The following SCHIP1 variants were observed in gnomAD, a reference collection of about 807,000 sequenced individuals.
SCHIP1 encodes schwannomin interacting protein 1, also known as schwannomin-interacting protein 1.
Under a neutral mutation model 29.7 loss-of-function variants are expected in SCHIP1, and 8 were observed. The ratio of observed to expected loss-of-function variants is 0.27; its 90% CI spans 0.16 to 0.49. SCHIP1 has a LOEUF of 0.49. Ranked by LOEUF, SCHIP1 falls within the 20% of genes least tolerant of loss-of-function variation. The pLI is 0.99. For missense variants in SCHIP1, 193 were observed against 294.6 expected, an observed-to-expected ratio of 0.66 and a Z score of 2.52; for synonymous variants, 76 against 94.9, an observed-to-expected ratio of 0.80 and a Z score of 1.16.
the SCHIP1 span, among the ~76,000 whole-genome samples, chr3:159,641,072 T>C: frequency 6.6e-6 from 1 of 152,122 alleles, no homozygotes; most frequent in Non-Finnish European, 1.5e-5. Context: ...TTCTCATAAA[T>C]TTTTTTAGGG....
chr3:159,406,554 G>A, the SCHIP1 span, among the ~76,000 whole-genome samples: 2 of 152,114 alleles, frequency 1.3e-5, no homozygotes, highest in African/African-American at 2.4e-5. Flanking sequence ...AGTATAAAAT[G>A]CACCGGCAAT....
At chr3:159,608,624 A>G in the SCHIP1 span, among the ~76,000 whole-genome samples, 1 of 152,198 alleles carries the variant, frequency 6.6e-6, no homozygotes, top group African/African-American at 2.4e-5. Flanking sequence ...ATGGCACATA[A>G]AATTCTTTTT....
the SCHIP1 span, among the ~76,000 whole-genome samples, chr3:159,294,942 T>C: frequency 6.6e-6 from 1 of 152,134 alleles, no homozygotes; most frequent in African/African-American, 2.4e-5. Context: ...AATCAGATCA[T>C]TACCCGAAAG....
chr3:159,329,933 A>G, the SCHIP1 span, among the ~76,000 whole-genome samples: 1 of 151,978 alleles, frequency 6.6e-6, no homozygotes, highest in Non-Finnish European at 1.5e-5. Context: ...GACAATGGTT[A>G]TGTCCTATTG....
chr3:159,509,318 T>C, the SCHIP1 span, among the ~76,000 whole-genome samples: 4 of 152,232 alleles, frequency 2.6e-5, no homozygotes, highest in Non-Finnish European at 2.9e-5. Flanking sequence ...TTCCATTTGC[T>C]TGGTAGATCT....
the SCHIP1 span, among the ~76,000 whole-genome samples, chr3:159,556,951 A>T: frequency 4.7e-4 from 70 of 149,062 alleles, no homozygotes; most frequent in African/African-American, 9.1e-4. Context: ...AAAAAAATTT[A>T]AAAAAAAAAG....
the SCHIP1 span, among the ~76,000 whole-genome samples, chr3:159,653,264 T>G: frequency 1.2e-4 from 18 of 152,206 alleles, no homozygotes; most frequent in African/African-American, 3.6e-4. Context: ...TTATAAATCA[T>G]TCTACTATAA....
intron 2 of SCHIP1, among the ~76,000 whole-genome samples, chr3:159,885,759 G>T (rs996022370): frequency 2.6e-5 from 4 of 152,236 alleles, no homozygotes; most frequent in Non-Finnish European, 5.9e-5. Context: ...GAGAAAAGGA[G>T]TCTTTCTTCA....
chr3:159,739,938 T>C, the SCHIP1 span, among the ~76,000 whole-genome samples: 1 of 152,244 alleles, frequency 6.6e-6, no homozygotes, highest in African/African-American at 2.4e-5. Context: ...TTCAGGCATT[T>C]CAGTACAAAT....
At chr3:159,351,804 C>G in the SCHIP1 span, among the ~76,000 whole-genome samples, 1 of 152,042 alleles carries the variant, frequency 6.6e-6, no homozygotes, top group Non-Finnish European at 1.5e-5. Context: ...AAACCTCTTG[C>G]TATAACAAAG....
chr3:159,508,582 C>T, the SCHIP1 span, among the ~76,000 whole-genome samples: 1 of 152,184 alleles, frequency 6.6e-6, no homozygotes, highest in Non-Finnish European at 1.5e-5. Context: ...TTAGATCTTT[C>T]TTGCTTTCTC....
chr3:159,646,659 T>C, the SCHIP1 span, among the ~76,000 whole-genome samples: 1 of 152,086 alleles, frequency 6.6e-6, no homozygotes, highest in Non-Finnish European at 1.5e-5. Context: ...CAACCCTGAA[T>C]ACAAGGGAGC....
the SCHIP1 span, among the ~76,000 whole-genome samples, chr3:159,369,819 G>C: frequency 4.6e-5 from 7 of 152,016 alleles, no homozygotes; most frequent in African/African-American, 1.7e-4. Context: ...TAAAATAAGA[G>C]GATTGATTGC....
At chr3:159,391,015 T>C in the SCHIP1 span, among the ~76,000 whole-genome samples, 1 of 152,172 alleles carries the variant, frequency 6.6e-6, no homozygotes, top group Admixed American at 6.6e-5. Context: ...GTGAGTTCAA[T>C]TTTTTTCTCT....
chr3:159,448,161 G>A, the SCHIP1 span, among the ~76,000 whole-genome samples: 238 of 152,254 alleles, frequency 1.6e-3, no homozygotes, highest in African/African-American at 5.2e-3. Flanking sequence ...AAGTTCATGA[G>A]TGCGTAAGAG....
At chr3:159,615,641 C>T in the SCHIP1 span, among the ~76,000 whole-genome samples, 6 of 152,164 alleles carry the variant, frequency 3.9e-5, no homozygotes, top group Non-Finnish European at 7.3e-5. Flanking sequence ...TTAGCACATG[C>T]AGCATGTCAT....
the SCHIP1 span, among the ~76,000 whole-genome samples, chr3:159,782,728 G>A: frequency 1.3e-5 from 2 of 152,208 alleles, no homozygotes; most frequent in African/African-American, 4.8e-5. Flanking sequence ...GGCTCTGAGA[G>A]GTTAAAGGAT....
At chr3:159,527,978 C>A in the SCHIP1 span, among the ~76,000 whole-genome samples, 2 of 152,106 alleles carry the variant, frequency 1.3e-5, no homozygotes, top group African/African-American at 4.8e-5. Flanking sequence ...TAGTGAATTT[C>A]AAAATAATTG....
the SCHIP1 span, among the ~76,000 whole-genome samples, chr3:159,609,435 G>A: frequency 6.6e-6 from 1 of 152,212 alleles, no homozygotes; most frequent in Non-Finnish European, 1.5e-5. Flanking sequence ...GCTATTAGTT[G>A]TTTGTAAATA....
Sources: gnomAD v4.1 joint callset for allele counts (sites outside exome capture counted in the v4.1 genomes callset) on GRCh38, gnomAD v4.1.1 for gene constraint, MANE v1.5 for transcripts, NCBI Gene and HGNC (gene_info 2026-07-23, HGNC 2026-07-21) for gene names.